LRRC4C: variants seen among roughly 807,000 people sequenced by gnomAD.
LRRC4C encodes the protein leucine-rich repeat-containing protein 4C.
Under a neutral mutation model 33.6 loss-of-function variants are expected in LRRC4C, and 5 were observed. The ratio of observed to expected loss-of-function variants is 0.15; its 90% CI spans 0.08 to 0.31. The LOEUF (loss-of-function observed/expected upper bound fraction) is 0.31, where lower values mean the gene tolerates loss of function less well. LRRC4C is among the 10% of genes least tolerant of loss of function. The pLI, the probability that LRRC4C is intolerant of heterozygous loss-of-function variation, is 1.00. For missense variants in LRRC4C, 560 were observed against 796.7 expected, an observed-to-expected ratio of 0.70 and a Z score of 3.58; for synonymous variants, 329 against 302.0, an observed-to-expected ratio of 1.09 and a Z score of -0.93.
intron 2 of LRRC4C, among the ~76,000 whole-genome samples, chr11:40,885,538 T>C (rs1396397265): frequency 6.6e-6 from 1 of 152,090 alleles, no homozygotes; most frequent in East Asian, 1.9e-4. Context: ...TCTGTAATGA[T>C]TTGAGAGCTA....
At chr11:40,677,799 TG>T (rs1317424118) in intron 2 of LRRC4C, among the ~76,000 whole-genome samples, 1 of 152,206 alleles carries the variant, frequency 6.6e-6, no homozygotes, top group East Asian at 1.9e-4. Context: ...CAGAGCTGTT[TG>T]GGGTGATTAC....
intron 1 of LRRC4C, among the ~76,000 whole-genome samples, chr11:41,281,462 G>T (rs948912545): frequency 6.6e-6 from 1 of 152,144 alleles, no homozygotes; most frequent in Admixed American, 6.5e-5. Flanking sequence ...TAGGGCTGGA[G>T]ATGAGTCTCA....
intron 1 of LRRC4C, among the ~76,000 whole-genome samples, chr11:41,341,101 GTGA>G (rs1303841430): frequency 6.6e-6 from 1 of 151,402 alleles, no homozygotes; most frequent in African/African-American, 2.4e-5. Flanking sequence ...ATATGTGAAA[GTGA>G]TGATGTTGTC....
At chr11:40,955,053 C>G (rs1958897127) in intron 1 of LRRC4C, among the ~76,000 whole-genome samples, 2 of 151,778 alleles carry the variant, frequency 1.3e-5, no homozygotes, top group Admixed American at 1.3e-4. Context: ...CATCTCACTC[C>G]TTTTTCAGAA....
chr11:41,354,130 T>C (rs1004451421), intron 1 of LRRC4C, among the ~76,000 whole-genome samples: 3 of 152,124 alleles, frequency 2.0e-5, no homozygotes, highest in Non-Finnish European at 2.9e-5. Flanking sequence ...GAAAACCCCA[T>C]AGTCTCTGGC....
intron 3 of LRRC4C, among the ~76,000 whole-genome samples, chr11:40,371,795 G>T (rs965713718): frequency 6.6e-6 from 1 of 152,106 alleles, no homozygotes; most frequent in Non-Finnish European, 1.5e-5. Context: ...GGCACAAATG[G>T]GTCAGAACAA....
intron 5 of LRRC4C, among the ~76,000 whole-genome samples, chr11:40,161,119 G>A (rs1859116485): frequency 6.6e-6 from 1 of 152,020 alleles, no homozygotes; most frequent in African/African-American, 2.4e-5. Flanking sequence ...TTATGAATAA[G>A]TTTTAGTAGG....
intron 3 of LRRC4C, among the ~76,000 whole-genome samples, chr11:40,572,832 T>C (rs1958038283): frequency 6.6e-6 from 1 of 152,204 alleles, no homozygotes; most frequent in South Asian, 2.1e-4. Context: ...ACTATTACGA[T>C]ATGCAAATGC....
chr11:40,292,453 T>C (rs1944257896), intron 4 of LRRC4C: 1 of 152,172 alleles, frequency 6.6e-6, no homozygotes. Flanking sequence ...TGCAGATGTA[T>C]TATTAATTTC....
At chr11:41,071,823 G>T (rs1442720343) in intron 1 of LRRC4C, among the ~76,000 whole-genome samples, 1 of 152,166 alleles carries the variant, frequency 6.6e-6, no homozygotes, top group Non-Finnish European at 1.5e-5. Flanking sequence ...TAGATACCAT[G>T]ATTCATGGAA....
chr11:40,632,186 G>A lies in LRRC4C; in HGVS notation c.-270+15956C>T, dbSNP rs867578170. ...GATTGTGTTAAACAAAAATACAGCC[G>A]TGTATTGAAGGCTGAATTCAAAATT... On this transcript the variant is annotated intron_variant, in intron 3 of 6. Coordinates refer to ENST00000528697, the MANE Select transcript of LRRC4C (RefSeq NM_001258419.2). 5.3e-5 allele frequency among the ~76,000 whole-genome samples: 8 copies of A among 152,160 alleles called. No individual in the cohort carries two copies. The South Asian group carries it at 1.7e-3, about 32-fold the overall frequency.
At chr11:41,052,456 T>A (rs914962377) in intron 1 of LRRC4C, among the ~76,000 whole-genome samples, 1 of 151,804 alleles carries the variant, frequency 6.6e-6, no homozygotes, top group African/African-American at 2.4e-5. Context: ...TCTGCTCATT[T>A]CTTCCTGGCA....
At chr11:41,026,064 C>G (rs562600877) in intron 1 of LRRC4C, among the ~76,000 whole-genome samples, 35 of 151,832 alleles carry the variant, frequency 2.3e-4, no homozygotes, top group African/African-American at 7.7e-4. Flanking sequence ...ATTCTGTAAC[C>G]TATGGATCAA....
intron 3 of LRRC4C, among the ~76,000 whole-genome samples, chr11:40,631,247 T>A (rs989606505): frequency 6.6e-6 from 1 of 152,084 alleles, no homozygotes; most frequent in Non-Finnish European, 1.5e-5. Flanking sequence ...GCTGATTGGG[T>A]TTTTTATGTG....
At chr11:40,213,581 C>T (rs992140926) in intron 5 of LRRC4C, among the ~76,000 whole-genome samples, 1 of 152,118 alleles carries the variant, frequency 6.6e-6, no homozygotes, top group Non-Finnish European at 1.5e-5. Flanking sequence ...ACCCTGATTC[C>T]CAAGATCCGT....
At chr11:40,458,182 A>C (rs1952222752) in intron 3 of LRRC4C, among the ~76,000 whole-genome samples, 1 of 152,162 alleles carries the variant, frequency 6.6e-6, no homozygotes, top group Admixed American at 6.6e-5. Flanking sequence ...TGGGTCTCTG[A>C]TGACAATAGA....
chr11:41,306,106 A>G (rs1950498659), intron 1 of LRRC4C, among the ~76,000 whole-genome samples: 1 of 151,670 alleles, frequency 6.6e-6, no homozygotes, highest in Non-Finnish European at 1.5e-5. Flanking sequence ...GCCTCATTAA[A>G]TTTTTCACCT....
intron 3 of LRRC4C, among the ~76,000 whole-genome samples, chr11:40,632,019 G>A (rs1381886509): frequency 1.3e-5 from 2 of 152,140 alleles, no homozygotes; most frequent in Non-Finnish European, 2.9e-5. Flanking sequence ...AGGGAAAACT[G>A]AAGTTCAGAG....
At chr11:40,247,576 G>A (rs1454883995) in intron 4 of LRRC4C, among the ~76,000 whole-genome samples, 1 of 152,100 alleles carries the variant, frequency 6.6e-6, no homozygotes, top group Non-Finnish European at 1.5e-5. Context: ...CACAGAGAAA[G>A]TTTTTGGGGT....
Sources: allele counts gnomAD v4.1 joint callset (sites outside exome capture counted in the v4.1 genomes callset), GRCh38; gene constraint gnomAD v4.1.1; transcripts MANE v1.5; gene names NCBI Gene and HGNC (gene_info 2026-07-23, HGNC 2026-07-21).